CDK10: variants seen among roughly 807,000 people sequenced by gnomAD.
CDK10 encodes the protein cyclin dependent kinase 10.
Under a neutral mutation model 51.0 loss-of-function variants are expected in CDK10, and 55 were observed. The ratio of observed to expected loss-of-function variants is 1.08; its 90% confidence interval spans 0.87 to 1.35. The LOEUF (loss-of-function observed/expected upper bound fraction) is 1.35. CDK10 is among the 40% of genes most tolerant of loss of function. The pLI is 0.00. For missense variants in CDK10, 589 were observed against 485.1 expected (o/e 1.21, Z -2.01); for synonymous variants, 255 against 199.1 (o/e 1.28, Z -2.36).
Position 89,692,410 on chromosome 16 carries a change from C to T in CDK10, c.418-39C>T, listed in dbSNP as rs749591092. 6.8e-6 allele frequency: 10 copies of T among 1,474,674 alleles called. No individual in the cohort carries two copies. The South Asian group carries it at 1.4e-4, about 20-fold the overall frequency. 91.3% of individuals were successfully genotyped at this position (1,474,674 alleles called of 1,614,324 possible). On this transcript the variant is annotated intron_variant, in intron 5 of 12. Coordinates refer to ENST00000353379, the MANE Select transcript of CDK10 (RefSeq NM_052988.5). ...GGCAGGGCCCAGCTGGGCTTCCCTG[C>T]AGGCTCACCCTGACTGGTACCTCTG...
At chr16:89,692,098 G>A in intron 5 of CDK10, 1 of 599,846 alleles carries the variant, frequency 1.7e-6, no homozygotes, top group Non-Finnish European at 2.9e-6. Flanking sequence ...AGCCTTATGA[G>A]GGCACTGGTT....
intron 1 of CDK10, chr16:89,687,706 G>T (rs896886630): frequency 2.4e-6 from 1 of 415,224 alleles, no homozygotes; most frequent in Non-Finnish European, 4.9e-6. Flanking sequence ...GGAATTACAG[G>T]CGTGAGCCAC....
In CDK10 at chr16:89,695,698, G is replaced by A; in HGVS notation, c.*6G>A. The A allele has an allele frequency of 6.3e-7, 1 of 1,593,448 alleles. No homozygotes were observed. The highest frequency in any genetic ancestry group is 2.3e-5 in the East Asian group (1 of 44,020). On this transcript the variant is annotated 3_prime_UTR_variant, in exon 13 of 13. Transcript: ENST00000353379. ...GCAAGCGCTGTAAACCCTGACGGTG[G>A]GCCTGGCACACGCCTGTATTCCCAC...
chr16:89,691,659 AT>A (rs1324218164), intron 4 of CDK10, 114 bp downstream of exon 4: 1 of 1,208,300 alleles, frequency 8.3e-7, no homozygotes, highest in Non-Finnish European at 1.2e-6. Flanking sequence ...CAGAGAAGAG[AT>A]GACCCCACCT....
intron 5 of CDK10, 46 bp downstream of exon 5, chr16:89,691,933 C>T (rs781074620): frequency 1.3e-6 from 2 of 1,503,186 alleles, no homozygotes; most frequent in Non-Finnish European, 1.8e-6. Context: ...CTTCATGGGC[C>T]CTTGTGGTGC....
At chr16:89,691,764 G>A in intron 4 of CDK10, 42 bp from the exon 5 acceptor site, 1 of 1,582,654 alleles carries the variant, frequency 6.3e-7, no homozygotes, top group Non-Finnish European at 8.7e-7. Context: ...CCACCCCTTA[G>A]GAGAAGGCCG....
At chr16:89,686,935 G>T in intron 1 of CDK10, 138 bp downstream of exon 1, 15 of 699,938 alleles carry the variant, frequency 2.1e-5, no homozygotes, top group Non-Finnish European at 2.0e-5. Context: ...GTTCCCCGCG[G>T]CGGGGGCGGA....
chr16:89,688,747 C>T lies in CDK10; in HGVS notation c.88-505C>T, dbSNP rs185059622. ...GGATTGAAAGGGAGTATCTGAGTGG[C>T]CGCCTCTGATATTTCTTTCAAAGCA... On this transcript the variant is annotated intron_variant, in intron 1 of 12. Coordinates refer to ENST00000353379, the MANE Select transcript of CDK10 (RefSeq NM_052988.5). 1.2e-3 allele frequency among the ~76,000 whole-genome samples: 180 copies of T among 152,282 alleles called. 1 individual carries two copies. Among genetic ancestry groups the T allele is most frequent in the African/African-American group, 4.0e-3 (165 of 41,556 alleles).
intron 5 of CDK10, 41 bp downstream of exon 5, chr16:89,691,928 T>G (rs779934586): frequency 6.6e-7 from 1 of 1,523,236 alleles, no homozygotes; most frequent in Non-Finnish European, 9.1e-7. Context: ...ATGGGCTTCA[T>G]GGGCCCTTGT....
In CDK10 at chr16:89,695,769, A is replaced by G. The variant is rs1159904513; in HGVS notation, c.*77A>G. On this transcript the variant is annotated 3_prime_UTR_variant, in exon 13 of 13. Transcript: ENST00000353379. ...GTGTCTGTGAAGGGTGCCGCGAGCC[A>G]GGCTGACCAGGCGCCCGGGATCCAG... is the stretch of plus-strand genomic sequence containing the variant. The G allele has an allele frequency of 6.3e-7, 1 of 1,583,810 alleles. No homozygotes were observed. The highest frequency in any genetic ancestry group is 8.6e-7 in the Non-Finnish European group (1 of 1,168,062).
intron 8 of CDK10, 25 bp from the exon 9 acceptor site, chr16:89,694,148 T>C: frequency 6.2e-7 from 1 of 1,612,414 alleles, no homozygotes; most frequent in South Asian, 1.1e-5. Context: ...GCCGGCTGTA[T>C]TGAGGTGGGT....
chr16:89,689,523 A>G (rs960777358), intron 2 of CDK10, 199 bp downstream of exon 2: 12 of 585,640 alleles, frequency 2.0e-5, no homozygotes, highest in East Asian at 2.9e-5. Flanking sequence ...AAACGTAAGC[A>G]TCCGGTTGCT....
chr16:89,689,301 G>A lies in CDK10; in HGVS notation c.137G>A (p.Gly46Glu). ...GAGTTTGAGAAGCTGAACCGCATTG[G>A]AGAGGGTACCTACGGCATTGTGTGT... ...VKEFEKLNRI[G>E]EGTYGIVYRA... Residue 46 changes from glycine to glutamate, a missense_variant, in exon 2 of 13, where the codon GGA becomes GAA. Coordinates refer to ENST00000353379, the MANE Select transcript of CDK10 (RefSeq NM_052988.5). 1 of 1,614,100 alleles carries A rather than the reference G, an allele frequency of 6.2e-7. No homozygotes were observed. The highest frequency in any genetic ancestry group is 8.5e-7 in the Non-Finnish European group (1 of 1,179,978).
chr16:89,686,819 C>A (rs925688204), intron 1 of CDK10, 22 bp downstream of exon 1: 2 of 1,588,740 alleles, frequency 1.3e-6, no homozygotes, highest in African/African-American at 2.7e-5. Context: ...GCCACCCGGG[C>A]AGCTCTGCCC....
chr16:89,693,406 G>C lies in CDK10; in HGVS notation c.547G>C (p.Gly183Arg). Residue 183 changes from glycine (G) to arginine (R), a missense_variant, in exon 8 of 13, where the codon GGC becomes CGC. Transcript: ENST00000353379. ...DKGCVKTADF[G>R]LARAYGVPVK... ...TCCCCTCTCTGCTGCAGCGGATTTC[G>C]GCCTGGCCCGGGCCTATGGTGTCCC... 1 of 1,614,180 alleles carries C rather than the reference G, an allele frequency of 6.2e-7. No homozygotes were observed. Among genetic ancestry groups the C allele is most frequent in the Non-Finnish European group, 8.5e-7 (1 of 1,180,042 alleles).
chr16:89,691,385 G>T (rs926917993), intron 3 of CDK10, 58 bp from the exon 4 acceptor site: 1 of 1,331,960 alleles, frequency 7.5e-7, no homozygotes, highest in South Asian at 1.3e-5. Context: ...AGTGGCTGGG[G>T]TTGGGGCTTC....
At chr16:89,689,386 C>T (rs2060341276) in intron 2 of CDK10, 62 bp downstream of exon 2, 1 of 1,478,774 alleles carries the variant, frequency 6.8e-7, no homozygotes, top group South Asian at 1.1e-5. Flanking sequence ...TGGGACGAGA[C>T]TGTCGAAGCA....
chr16:89,693,956 C>T (rs960232956), intron 8 of CDK10: 1 of 611,194 alleles, frequency 1.6e-6, no homozygotes, highest in African/African-American at 1.8e-5. Flanking sequence ...GGTCCGTGGT[C>T]CCTGCGACTC....
chr16:89,694,596 G>A (rs1268783771), intron 9 of CDK10, 69 bp from the exon 10 acceptor site: 1 of 1,546,694 alleles, frequency 6.5e-7, no homozygotes, highest in Non-Finnish European at 8.7e-7. Flanking sequence ...CTGCAGTCAG[G>A]TCCTCTGTTC....
Sources: allele counts gnomAD v4.1 joint callset (sites outside exome capture counted in the v4.1 genomes callset), GRCh38; gene constraint gnomAD v4.1.1; transcripts MANE v1.5; gene names NCBI Gene and HGNC (gene_info 2026-07-23, HGNC 2026-07-21).